The following ZNF280D variants were observed in gnomAD, a reference collection of about 807,000 sequenced individuals.
The protein encoded by ZNF280D is zinc finger protein 280D.
Under a neutral mutation model 94.7 loss-of-function variants are expected in ZNF280D, and 39 were observed. That is an observed-to-expected ratio of 0.41 (90% CI 0.32 to 0.54). The LOEUF is 0.54. ZNF280D is among the 20% of genes least tolerant of loss of function. ZNF280D has a pLI of 0.22. For missense variants in ZNF280D, 1,090 were observed against 1,149.3 expected, an observed-to-expected ratio of 0.95 and a Z score of 0.75; for synonymous variants, 398 against 377.6, an observed-to-expected ratio of 1.05 and a Z score of -0.63.
intron 1 of ZNF280D, among the ~76,000 whole-genome samples, chr15:56,725,522 G>C (rs1391446555): frequency 3.9e-5 from 6 of 152,052 alleles, no homozygotes; most frequent in Admixed American, 3.9e-4. Context: ...AATAAAGACA[G>C]CTGGATTCTC....
intron 3 of ZNF280D, among the ~76,000 whole-genome samples, chr15:56,705,860 T>C (rs2057371594): frequency 6.6e-6 from 1 of 151,868 alleles, no homozygotes. Context: ...TGGCATATAA[T>C]AATCTATGGA....
rs992211800 is a variant in ZNF280D at position 56,723,649 on chromosome 15, A to G, written c.-86+9809T>C. 2.6e-5 allele frequency among the ~76,000 whole-genome samples: 4 copies of G among 152,036 alleles called. No homozygotes were observed. In the South Asian group the frequency reaches 6.2e-4, roughly 24 times the overall value. On this transcript the variant is annotated intron_variant, in intron 1 of 21. Coordinates refer to ENST00000267807, the MANE Select transcript of ZNF280D (RefSeq NM_017661.4). ...TTTTCAATGTCTCCCTCTTTTAATT[A>G]TATCTAGTCAATTCCCCAACCCTAT... is the stretch of plus-strand genomic sequence containing the variant.
At chr15:56,673,543 T>C (rs1266861896) in intron 13 of ZNF280D, among the ~76,000 whole-genome samples, 2 of 152,036 alleles carry the variant, frequency 1.3e-5, no homozygotes, top group East Asian at 3.9e-4. Context: ...TAATATCCTT[T>C]CTTCTCTATG....
chr15:56,704,299 T>C, intron 3 of ZNF280D, 32 bp from the exon 4 acceptor site: 1 of 1,566,422 alleles, frequency 6.4e-7, no homozygotes, highest in Non-Finnish European at 8.6e-7. Flanking sequence ...GTAAACCTCA[T>C]TTTTGAAAAT....
intron 14 of ZNF280D, chr15:56,668,050 G>A (rs188972558): frequency 2.9e-5 from 12 of 419,668 alleles, no homozygotes; most frequent in African/African-American, 2.1e-4. Flanking sequence ...TGCAGGGAAG[G>A]ATGCTGGATA....
intron 1 of ZNF280D, among the ~76,000 whole-genome samples, chr15:56,709,041 C>A (rs1407184882): frequency 6.6e-6 from 1 of 152,012 alleles, no homozygotes; most frequent in African/African-American, 2.4e-5. Flanking sequence ...TTCTGCACAG[C>A]AAAAGAAACT....
At chr15:56,728,614 A>T (rs2058740761) in intron 1 of ZNF280D, among the ~76,000 whole-genome samples, 1 of 152,214 alleles carries the variant, frequency 6.6e-6, no homozygotes, top group Admixed American at 6.5e-5. Flanking sequence ...CTATCAGGGA[A>T]GCATTTGAAA....
Position 56,631,147 on chromosome 15 carries a change from A to T in ZNF280D, c.*351T>A, listed in dbSNP as rs889729370. 2 of 187,918 alleles carry T rather than the reference A, an allele frequency of 1.1e-5. No individual in the cohort carries two copies. The highest frequency in any genetic ancestry group is 4.7e-5 in the African/African-American group (2 of 42,602). The allele number at this position is 187,918 out of a possible 1,614,324, so 11.6% of individuals were successfully genotyped here. ...AGGTAATAAAGATTTTTAGCTTAGG[A>T]TTGATGGAAGTTTGAAAGGCTTTAT... On this transcript the variant is annotated 3_prime_UTR_variant, in exon 22 of 22. Coordinates refer to ENST00000267807, the MANE Select transcript of ZNF280D (RefSeq NM_017661.4).
chr15:56,671,669 G>A (rs1279166779), intron 13 of ZNF280D, among the ~76,000 whole-genome samples: 2 of 151,920 alleles, frequency 1.3e-5, no homozygotes, highest in Non-Finnish European at 2.9e-5. Flanking sequence ...GCTATTTTTC[G>A]TTCCATATGA....
chr15:56,732,963 G>A (rs556550813), intron 1 of ZNF280D: 1 of 152,448 alleles, frequency 6.6e-6, no homozygotes, highest in South Asian at 2.1e-4. Context: ...CCGGTCATCT[G>A]GGCAAAATGA....
chr15:56,635,263 A>G lies in ZNF280D; in HGVS notation c.2260-13T>C. On this transcript the variant is annotated splice_polypyrimidine_tract_variant and intron_variant, in intron 20 of 21. Coordinates refer to ENST00000267807, the MANE Select transcript of ZNF280D (RefSeq NM_017661.4). Reference sequence around the variant, plus strand: ...GTCTTGCAATTTCCTGAAATAATTAATAATACTTTTCTTTTACATTCACAG... The same window carrying G: ...GTCTTGCAATTTCCTGAAATAATTAGTAATACTTTTCTTTTACATTCACAG... 1.4e-6 allele frequency: 2 copies of G among 1,462,708 alleles called. No homozygotes were observed. Among genetic ancestry groups the G allele is most frequent in the South Asian group, 2.8e-5 (2 of 71,334 alleles). The allele number at this position is 1,462,708 out of a possible 1,614,324, so 90.6% of individuals were successfully genotyped here. A position where few individuals can be genotyped will look rare whatever the true frequency, so the allele number is the denominator to read the frequency against.
Position 56,667,045 on chromosome 15 carries a change from TATC to T in ZNF280D, c.1546-62_1546-60del, listed in dbSNP as rs1395784002. On this transcript the variant is annotated intron_variant, in intron 14 of 21. Coordinates refer to ENST00000267807, the MANE Select transcript of ZNF280D (RefSeq NM_017661.4). ...ATTAATCAGTACATTAATATTAAAATATCATGGTACAAAAATAGTTAAAAATCA... is the reference window on the plus strand; with the variant it reads ...ATTAATCAGTACATTAATATTAAAATATGGTACAAAAATAGTTAAAAATCA... The T allele has an allele frequency of 1.0e-5, 13 of 1,253,450 alleles. No homozygotes were observed. The East Asian group carries it at 1.9e-4, about 18-fold the overall frequency. The allele number at this position is 1,253,450 out of a possible 1,614,324, so 77.6% of individuals were successfully genotyped here. A position where few individuals can be genotyped will look rare whatever the true frequency, so the allele number is the denominator to read the frequency against.
At chr15:56,719,092 C>G (rs1181011016) in intron 1 of ZNF280D, among the ~76,000 whole-genome samples, 1 of 152,086 alleles carries the variant, frequency 6.6e-6, no homozygotes, top group Non-Finnish European at 1.5e-5. Flanking sequence ...CTAATAGATC[C>G]CATAGTCTCA....
intron 1 of ZNF280D, among the ~76,000 whole-genome samples, chr15:56,714,028 A>C (rs2057910154): frequency 6.6e-6 from 1 of 152,234 alleles, no homozygotes; most frequent in Admixed American, 6.5e-5. Context: ...AAATTTTATA[A>C]GGAAATTAGC....
Position 56,654,410 on chromosome 15 carries a change from A to G in ZNF280D, c.2151T>C (p.His717=), listed in dbSNP as rs760452065. The part of the protein sequence containing the change: ...MATHLSQHKT[H]TCQVVMQKVS... Reference sequence around the variant, plus strand: ...CTTTCTGCATTACAACTTGGCAAGTATGAGTTTTATGTTGACTTAAGTGTG... The same window carrying G: ...CTTTCTGCATTACAACTTGGCAAGTGTGAGTTTTATGTTGACTTAAGTGTG... The change falls in exon 18 of 22, where the codon CAT becomes CAC. Residue 717 remains histidine (H), a synonymous_variant. Transcript: ENST00000267807. The G allele has an allele frequency of 6.2e-7, 1 of 1,606,616 alleles. No individual in the cohort carries two copies. The highest frequency in any genetic ancestry group is 8.5e-7 in the Non-Finnish European group (1 of 1,178,156).
chr15:56,729,376 A>T (rs1416001331), intron 1 of ZNF280D, among the ~76,000 whole-genome samples: 1 of 152,184 alleles, frequency 6.6e-6, no homozygotes, highest in Non-Finnish European at 1.5e-5. Flanking sequence ...TCACAAATGG[A>T]AAAGCAAAAG....
intron 19 of ZNF280D, among the ~76,000 whole-genome samples, chr15:56,646,107 A>G (rs1276508131): frequency 6.6e-6 from 1 of 152,198 alleles, no homozygotes; most frequent in Non-Finnish European, 1.5e-5. Context: ...AGCAACCAGT[A>G]GTAAAGTCAG....
intron 20 of ZNF280D, among the ~76,000 whole-genome samples, chr15:56,639,056 T>A (rs958755797): frequency 6.6e-6 from 1 of 151,960 alleles, no homozygotes; most frequent in Non-Finnish European, 1.5e-5. Flanking sequence ...GAAAAAAGTA[T>A]ATATACAATA....
chr15:56,730,054 A>G (rs1236848186), intron 1 of ZNF280D: 2 of 151,988 alleles, frequency 1.3e-5, no homozygotes, highest in Non-Finnish European at 2.9e-5. Flanking sequence ...TAAATTATAC[A>G]TAATAACGTA....
Sources: gnomAD v4.1 joint callset for allele counts (sites outside exome capture counted in the v4.1 genomes callset) on GRCh38, gnomAD v4.1.1 for gene constraint, MANE v1.5 for transcripts, NCBI Gene and HGNC (gene_info 2026-07-23, HGNC 2026-07-21) for gene names.